ZFHX3: variants seen among roughly 807,000 people sequenced by gnomAD.
ZFHX3 encodes the protein zinc finger homeobox protein 3.
A neutral mutation model predicts 279.1 loss-of-function variants in ZFHX3; 42 were observed. The observed-to-expected ratio is 0.15, with a 90% confidence interval of 0.12 to 0.19. The LOEUF (loss-of-function observed/expected upper bound fraction) is 0.19, where lower values mean the gene tolerates loss of function less well. ZFHX3 is among the 10% of genes least tolerant of loss of function. The pLI, the probability that ZFHX3 is intolerant of heterozygous loss-of-function variation, is 1.00. For synonymous variants in ZFHX3, 2,293 were observed against 1,957.8 expected (o/e 1.17, Z -4.52); for missense variants, 4,981 against 4,754.0 (o/e 1.05, Z -1.40).
chr16:73,773,944 C>G (rs1231035868), intron 1 of ZFHX3, among the ~76,000 whole-genome samples: 1 of 152,018 alleles, frequency 6.6e-6, no homozygotes, highest in African/African-American at 2.4e-5. Flanking sequence ...TCCAGACTAA[C>G]CTGGGCAACA....
At chr16:73,502,747 C>A (rs1250488441) in intron 2 of ZFHX3, among the ~76,000 whole-genome samples, 2 of 152,226 alleles carry the variant, frequency 1.3e-5, no homozygotes, top group African/African-American at 4.8e-5. Flanking sequence ...TATCCCCATG[C>A]AATGAACACA....
At chr16:73,146,370 G>A (rs1054597514) in intron 5 of ZFHX3, among the ~76,000 whole-genome samples, 6 of 152,012 alleles carry the variant, frequency 3.9e-5, no homozygotes, top group African/African-American at 9.7e-5. Flanking sequence ...GGAGGTTGCA[G>A]TGAGCCGAGA....
chr16:73,060,222 C>G (rs1480920844), upstream of ZFHX3: 1 of 55,314 alleles, frequency 1.8e-5, no homozygotes, highest in African/African-American at 8.6e-5. Flanking sequence ...TTCCCTAATG[C>G]CAAAAAAAAA....
At chr16:73,661,212 A>G (rs906360134) in intron 2 of ZFHX3, among the ~76,000 whole-genome samples, 3 of 152,250 alleles carry the variant, frequency 2.0e-5, no homozygotes, top group African/African-American at 7.2e-5. Flanking sequence ...ATAATAAACC[A>G]GAAGCAAAGA....
chr16:72,801,400 G>A (rs1036541481), intron 7 of ZFHX3, among the ~76,000 whole-genome samples: 2 of 152,128 alleles, frequency 1.3e-5, no homozygotes, highest in Non-Finnish European at 2.9e-5. Context: ...TTAATGGTGT[G>A]ACGATCCCAG....
chr16:73,145,565 G>A (rs1305972952), intron 5 of ZFHX3, among the ~76,000 whole-genome samples: 1 of 152,200 alleles, frequency 6.6e-6, no homozygotes, highest in Non-Finnish European at 1.5e-5. Context: ...TCTGTGGTTG[G>A]TCCCTAACTG....
At chr16:73,384,970 G>A (rs11648080) in intron 3 of ZFHX3, among the ~76,000 whole-genome samples, 49,537 of 151,972 alleles carry the variant, frequency 0.33, 9,668 homozygotes, top group Non-Finnish European at 0.45. Flanking sequence ...GGACTTTTGC[G>A]GGGACTTCTG....
intron 5 of ZFHX3, among the ~76,000 whole-genome samples, chr16:73,162,385 A>C (rs1967260736): frequency 6.6e-6 from 1 of 151,950 alleles, no homozygotes. Context: ...CCCACATGGG[A>C]CTCTTTGGCT....
At chr16:73,267,058 A>G (rs2013997477) in intron 4 of ZFHX3, among the ~76,000 whole-genome samples, 1 of 152,214 alleles carries the variant, frequency 6.6e-6, no homozygotes. Flanking sequence ...ATGGTGATAA[A>G]AAAGCACAAG....
intron 2 of ZFHX3, among the ~76,000 whole-genome samples, chr16:73,465,206 C>T (rs904907687): frequency 2.6e-5 from 4 of 152,230 alleles, no homozygotes; most frequent in Non-Finnish European, 4.4e-5. Flanking sequence ...TCCCTCACTC[C>T]AGCCCGTGCT....
At chr16:73,293,243 T>G (rs2014819503) in intron 4 of ZFHX3, among the ~76,000 whole-genome samples, 1 of 151,868 alleles carries the variant, frequency 6.6e-6, no homozygotes, top group Non-Finnish European at 1.5e-5. Flanking sequence ...AATACCAGAG[T>G]CACAGCTGGT....
intron 4 of ZFHX3, among the ~76,000 whole-genome samples, chr16:72,836,952 G>A (rs914146812): frequency 6.6e-6 from 1 of 152,160 alleles, no homozygotes; most frequent in Non-Finnish European, 1.5e-5. Context: ...CACCTTCTCA[G>A]GATGTCATTT....
intron 1 of ZFHX3, among the ~76,000 whole-genome samples, chr16:73,041,583 G>A (rs1030113570): frequency 2.0e-5 from 3 of 152,114 alleles, no homozygotes; most frequent in East Asian, 1.9e-4. Context: ...TCTCAATTAC[G>A]TTATCAAATA....
chr16:73,758,638 C>T, intron 1 of ZFHX3, among the ~76,000 whole-genome samples: 1 of 152,284 alleles, frequency 6.6e-6, no homozygotes, highest in East Asian at 1.9e-4. Flanking sequence ...GTGGCCTGGT[C>T]TGAATACACA....
intron 2 of ZFHX3, among the ~76,000 whole-genome samples, chr16:73,627,116 T>C (rs1031501142): frequency 7.2e-5 from 11 of 152,196 alleles, no homozygotes; most frequent in African/African-American, 2.7e-4. Flanking sequence ...TCCTATTATC[T>C]TCCAAGTTAG....
chr16:73,508,287 A>G (rs1299236189), intron 2 of ZFHX3, among the ~76,000 whole-genome samples: 3 of 152,202 alleles, frequency 2.0e-5, no homozygotes, highest in Admixed American at 2.0e-4. Context: ...CTATGAAATA[A>G]AGTTAGATCC....
intron 1 of ZFHX3, among the ~76,000 whole-genome samples, chr16:73,859,407 CTG>C (rs759480461): frequency 3.3e-5 from 5 of 152,218 alleles, no homozygotes; most frequent in Middle Eastern, 3.2e-3. Flanking sequence ...CCCTTGACTC[CTG>C]TCTCTCTCTG....
At chr16:73,667,672 G>A (rs1267929108) in intron 2 of ZFHX3, among the ~76,000 whole-genome samples, 1 of 152,154 alleles carries the variant, frequency 6.6e-6, no homozygotes, top group South Asian at 2.1e-4. Flanking sequence ...TATACCAACA[G>A]GAAGGATAAC....
chr16:72,938,407 T>G (rs1211108686), intron 3 of ZFHX3, among the ~76,000 whole-genome samples: 1 of 152,248 alleles, frequency 6.6e-6, no homozygotes, highest in East Asian at 1.9e-4. Context: ...TTGTGGCTGT[T>G]GTCTGAAATC....
Sources: gnomAD v4.1 joint callset for allele counts (sites outside exome capture counted in the v4.1 genomes callset) on GRCh38, gnomAD v4.1.1 for gene constraint, MANE v1.5 for transcripts, NCBI Gene and HGNC (gene_info 2026-07-23, HGNC 2026-07-21) for gene names.